Variants in ROBO1 observed in about 807,000 individuals in gnomAD.
The protein encoded by ROBO1 is roundabout guidance receptor 1.
ROBO1 carries 149 observed loss-of-function variants against 195.9 expected under a neutral mutation model. The ratio of observed to expected loss-of-function variants is 0.76; its 90% confidence interval spans 0.67 to 0.87. The LOEUF (loss-of-function observed/expected upper bound fraction) is 0.87. Among genes scored for constraint, ROBO1 ranks in the 40% least tolerant of loss-of-function variants. The pLI is 0.00. For synonymous variants in ROBO1, 816 were observed against 733.2 expected, an observed-to-expected ratio of 1.11 and a Z score of -1.82; for missense variants, 1,933 against 2,068.3, an observed-to-expected ratio of 0.93 and a Z score of 1.27.
chr3:79,357,722 A>C (rs984962581), intron 2 of ROBO1, among the ~76,000 whole-genome samples: 4 of 152,140 alleles, frequency 2.6e-5, no homozygotes, highest in Non-Finnish European at 5.9e-5. Context: ...ATATTGCCAA[A>C]TTGGATTCCT....
At position 79,023,990 on chromosome 3, in the gene ROBO1, G is replaced by A. The variant is rs566251928; in HGVS notation, c.173-85063C>T. ...CTCCCAAAGTGCTGGGATTACAGGC[G>A]TGAGCCACCGCGCCTGGCCAGGGCC... On this transcript the variant is annotated intron_variant, in intron 3 of 30. Transcript: ENST00000464233. 4.4e-3 allele frequency among the ~76,000 whole-genome samples: 662 copies of A among 151,854 alleles called. 1 individual carries two copies. The highest frequency in any genetic ancestry group is 6.7e-3 in the Non-Finnish European group (454 of 67,938).
At chr3:79,057,450 C>G (rs761703285) in intron 3 of ROBO1, among the ~76,000 whole-genome samples, 3 of 152,022 alleles carry the variant, frequency 2.0e-5, no homozygotes, top group Non-Finnish European at 4.4e-5. Context: ...AGACCACCCT[C>G]AGACATGGTG....
intron 10 of ROBO1, among the ~76,000 whole-genome samples, chr3:78,682,629 TATA>T (rs1353339530): frequency 1.4e-5 from 2 of 147,784 alleles, no homozygotes; most frequent in African/African-American, 2.5e-5. Context: ...ATATTTGATA[TATA>T]ATAAATATTT....
intron 3 of ROBO1, among the ~76,000 whole-genome samples, chr3:78,959,291 GAA>G (rs1231495025): frequency 1.3e-5 from 1 of 76,050 alleles, no homozygotes; most frequent in Non-Finnish European, 4.0e-5. Flanking sequence ...ATGTGTGAAA[GAA>G]AGAGATTGTC....
At chr3:79,712,069 A>G (rs1702300071) in intron 1 of ROBO1, among the ~76,000 whole-genome samples, 1 of 152,058 alleles carries the variant, frequency 6.6e-6, no homozygotes, top group Non-Finnish European at 1.5e-5. Context: ...CTATTCCCTG[A>G]CACACAACAA....
chr3:79,356,283 G>C (rs2035552103), intron 2 of ROBO1, among the ~76,000 whole-genome samples: 1 of 152,210 alleles, frequency 6.6e-6, no homozygotes, highest in Non-Finnish European at 1.5e-5. Flanking sequence ...GGAGGTTGCA[G>C]TGGGCTAAGA....
In ROBO1 at chr3:79,446,683, A is replaced by T. The variant is rs913851922; in HGVS notation, c.88+143141T>A. Among the ~76,000 whole-genome samples the T allele has an allele frequency of 7.9e-5, 12 of 152,196 alleles. No homozygotes were observed. The East Asian group carries it at 2.3e-3, about 29-fold the overall frequency. On this transcript the variant is annotated intron_variant, in intron 2 of 30. Transcript: ENST00000464233. ...CCTCAGTGCACTTTTAAAAGATCAG[A>T]AGTGGGTATGAAATATTTGGGGCCA...
chr3:79,037,991 A>G (rs1010115366), intron 3 of ROBO1, among the ~76,000 whole-genome samples: 5 of 152,302 alleles, frequency 3.3e-5, no homozygotes, highest in African/African-American at 1.2e-4. Flanking sequence ...ATGATCCAAG[A>G]AAGATTTTTT....
intron 3 of ROBO1, among the ~76,000 whole-genome samples, chr3:79,029,936 G>T (rs541911747): frequency 3.9e-5 from 6 of 152,246 alleles, no homozygotes; most frequent in African/African-American, 1.4e-4. Context: ...TGGAAGTAAT[G>T]ACTTGCTTAC....
chr3:78,995,232 C>G (rs2077334713), intron 3 of ROBO1, among the ~76,000 whole-genome samples: 1 of 152,168 alleles, frequency 6.6e-6, no homozygotes, highest in South Asian at 2.1e-4. Context: ...CGCCAGGAGC[C>G]TTGATTTCTA....
chr3:78,725,475 A>G (rs1389388479), intron 5 of ROBO1, among the ~76,000 whole-genome samples: 1 of 152,180 alleles, frequency 6.6e-6, no homozygotes, highest in Non-Finnish European at 1.5e-5. Context: ...AAAACTAGAA[A>G]TGACTACTTT....
At chr3:78,882,313 T>C (rs1003633173) in intron 4 of ROBO1, among the ~76,000 whole-genome samples, 2 of 152,124 alleles carry the variant, frequency 1.3e-5, no homozygotes, top group Admixed American at 6.5e-5. Context: ...ACTACAAAAC[T>C]AGAAAGTAGT....
At chr3:78,708,352 T>G (rs1283401464) in intron 8 of ROBO1, among the ~76,000 whole-genome samples, 1 of 152,126 alleles carries the variant, frequency 6.6e-6, no homozygotes, top group East Asian at 1.9e-4. Flanking sequence ...ATTTATAAAT[T>G]TTATAGGGTT....
chr3:79,045,815 T>C (rs1456128707), intron 3 of ROBO1, among the ~76,000 whole-genome samples: 1 of 152,156 alleles, frequency 6.6e-6, no homozygotes, highest in Non-Finnish European at 1.5e-5. Flanking sequence ...TTAGTCAATA[T>C]GGCAGGAACA....
At chr3:79,528,499 A>C (rs1941524997) in intron 2 of ROBO1, among the ~76,000 whole-genome samples, 1 of 152,214 alleles carries the variant, frequency 6.6e-6, no homozygotes, top group Non-Finnish European at 1.5e-5. Context: ...ATACACAAAT[A>C]TATGTGATTT....
intron 2 of ROBO1, among the ~76,000 whole-genome samples, chr3:79,294,753 G>GAAAAAA (rs1436771527): frequency 4.5e-4 from 68 of 152,022 alleles, no homozygotes; most frequent in Admixed American, 1.1e-3. Flanking sequence ...AAATTTACAA[G>GAAAAAA]AAAAAAACAA....
At chr3:79,508,183 A>G (rs1001341988) in intron 2 of ROBO1, among the ~76,000 whole-genome samples, 1 of 152,092 alleles carries the variant, frequency 6.6e-6, no homozygotes. Flanking sequence ...CAGCAAACCA[A>G]CGTGGCACAT....
chr3:79,527,907 G>C (rs1459083301), intron 2 of ROBO1: 5 of 152,372 alleles, frequency 3.3e-5, no homozygotes, highest in Admixed American at 2.0e-4. Context: ...AGATGTAGCA[G>C]ATATTGACAC....
chr3:79,712,631 G>A (rs559812157), intron 1 of ROBO1, among the ~76,000 whole-genome samples: 1 of 152,250 alleles, frequency 6.6e-6, no homozygotes, highest in East Asian at 1.9e-4. Context: ...GATCACTGAT[G>A]CAGGTGCTAC....
Sources: gnomAD v4.1 joint callset for allele counts (sites outside exome capture counted in the v4.1 genomes callset) on GRCh38, gnomAD v4.1.1 for gene constraint, MANE v1.5 for transcripts, NCBI Gene and HGNC (gene_info 2026-07-23, HGNC 2026-07-21) for gene names.